The following CCR5AS variants were observed in gnomAD, a reference collection of about 807,000 sequenced individuals.
The protein encoded by CCR5AS is CCR5 antisense RNA.
intron 3 of CCR5AS, among the ~76,000 whole-genome samples, chr3:46,368,951 G>A (rs946072179): frequency 6.6e-6 from 1 of 152,174 alleles, no homozygotes; most frequent in South Asian, 2.1e-4. Context: ...CGGGGGTTCT[G>A]CACAAGTGGA....
At chr3:46,400,864 A>G (rs1702000325) in intron 1 of CCR5AS, among the ~76,000 whole-genome samples, 1 of 152,208 alleles carries the variant, frequency 6.6e-6, no homozygotes, top group Non-Finnish European at 1.5e-5. Context: ...TCTCCTTTAT[A>G]TCTAGAAGGG....
intron 1 of CCR5AS, among the ~76,000 whole-genome samples, chr3:46,396,041 T>C (rs1215769992): frequency 1.3e-5 from 2 of 152,080 alleles, no homozygotes; most frequent in East Asian, 3.9e-4. Context: ...GCCTTCACAG[T>C]CCCCAGCTTA....
chr3:46,387,462 C>G (rs1305333084), intron 2 of CCR5AS, among the ~76,000 whole-genome samples: 1 of 152,224 alleles, frequency 6.6e-6, no homozygotes, highest in Admixed American at 6.5e-5. Flanking sequence ...AAAGTCCCCA[C>G]TTTTCCCACA....
At chr3:46,405,757 G>A (rs1023220876) in intron 1 of CCR5AS, among the ~76,000 whole-genome samples, 2 of 152,106 alleles carry the variant, frequency 1.3e-5, no homozygotes, top group Non-Finnish European at 2.9e-5. Context: ...CTTGTCTGTC[G>A]GCACACGTGG....
chr3:46,402,658 T>C (rs1702013698), intron 1 of CCR5AS, among the ~76,000 whole-genome samples: 1 of 152,252 alleles, frequency 6.6e-6, no homozygotes, highest in South Asian at 2.1e-4. Context: ...GATTAAATTA[T>C]CATCAGTCTA....
At chr3:46,377,774 C>T (rs1294476304) in intron 2 of CCR5AS, among the ~76,000 whole-genome samples, 2 of 151,780 alleles carry the variant, frequency 1.3e-5, no homozygotes, top group South Asian at 2.1e-4. Context: ...GGTGCGATCT[C>T]GGCTCACTGC....
chr3:46,406,553 A>G (rs1325093153), intron 1 of CCR5AS, among the ~76,000 whole-genome samples: 1 of 151,810 alleles, frequency 6.6e-6, no homozygotes, highest in Non-Finnish European at 1.5e-5. Flanking sequence ...TTTGGGGTTA[A>G]ACTTGTCCTC....
intron 2 of CCR5AS, among the ~76,000 whole-genome samples, chr3:46,378,957 C>T (rs1056745622): frequency 2.0e-5 from 3 of 151,264 alleles, no homozygotes; most frequent in Admixed American, 6.6e-5. Context: ...TTGTGGGTAC[C>T]AAGTGTTTGA....
At position 46,389,728 on chromosome 3, in the gene CCR5AS, C is replaced by A. The variant is rs777025925; in HGVS notation, n.391+3097G>T. Among the ~76,000 whole-genome samples the A allele has an allele frequency of 2.0e-5, 3 of 152,118 alleles. No homozygotes were observed. The East Asian group carries it at 5.8e-4, about 29-fold the overall frequency. ...GGTCTATGGGATTAGTTAAATTACC[C>A]TTTGTGAGCTAGTAAAGTGGTTTGA... is the stretch of plus-strand genomic sequence containing the variant. On this transcript the variant is annotated intron_variant and non_coding_transcript_variant, in intron 2 of 3. Transcript: ENST00000451485.
intron 2 of CCR5AS, among the ~76,000 whole-genome samples, chr3:46,388,109 G>A (rs1701878628): frequency 6.6e-6 from 1 of 152,108 alleles, no homozygotes; most frequent in Admixed American, 6.5e-5. Flanking sequence ...GCTTAGCTCG[G>A]GCTCAGAGGC....
chr3:46,403,631 C>T (rs1295451950), intron 1 of CCR5AS, among the ~76,000 whole-genome samples: 1 of 152,202 alleles, frequency 6.6e-6, no homozygotes, highest in Non-Finnish European at 1.5e-5. Flanking sequence ...GGCTGCAACC[C>T]AATGGATGCC....
intron 1 of CCR5AS, among the ~76,000 whole-genome samples, chr3:46,405,553 G>A (rs949845640): frequency 2.0e-5 from 3 of 152,156 alleles, no homozygotes; most frequent in African/African-American, 7.2e-5. Context: ...AGCTGCAGGA[G>A]GTGGAGAGAC....
intron 1 of CCR5AS, among the ~76,000 whole-genome samples, chr3:46,398,503 A>G (rs1701979843): frequency 6.6e-6 from 1 of 152,182 alleles, no homozygotes; most frequent in Non-Finnish European, 1.5e-5. Flanking sequence ...AATTGTTTTT[A>G]TAAAAAATCA....
At chr3:46,364,822 G>C (rs567679641) in exon 4 of CCR5AS, 1 of 152,328 alleles carries the variant, frequency 6.6e-6, no homozygotes, top group African/African-American at 2.4e-5. Flanking sequence ...GAAAGACATT[G>C]ATTCCAACCC....
chr3:46,394,406 T>G (rs563932595), intron 1 of CCR5AS, among the ~76,000 whole-genome samples: 3 of 152,286 alleles, frequency 2.0e-5, no homozygotes, highest in Admixed American at 1.3e-4. Flanking sequence ...CATTCAGGAT[T>G]CTTAGCATGG....
intron 2 of CCR5AS, among the ~76,000 whole-genome samples, chr3:46,387,146 C>G (rs1701868939): frequency 6.6e-6 from 1 of 152,030 alleles, no homozygotes; most frequent in Non-Finnish European, 1.5e-5. Flanking sequence ...GAAAGATACC[C>G]CCTTCCTACT....
chr3:46,370,076 T>C (rs1701641454), intron 3 of CCR5AS, among the ~76,000 whole-genome samples: 1 of 151,918 alleles, frequency 6.6e-6, no homozygotes, highest in Admixed American at 6.6e-5. Flanking sequence ...TATGACTGTA[T>C]ATAGTATAGT....
At chr3:46,395,472 G>A (rs1463344903) in intron 1 of CCR5AS, among the ~76,000 whole-genome samples, 1 of 152,146 alleles carries the variant, frequency 6.6e-6, no homozygotes, top group Admixed American at 6.5e-5. Context: ...CCAAATCCGG[G>A]GGATTGGCTG....
intron 3 of CCR5AS, chr3:46,371,010 T>C (rs1490213605): frequency 1.3e-5 from 2 of 152,204 alleles, no homozygotes; most frequent in Non-Finnish European, 2.9e-5. Flanking sequence ...CTCAGCTGCT[T>C]GGCCTGTTAG....
Sources: gnomAD v4.1 joint callset for allele counts (sites outside exome capture counted in the v4.1 genomes callset) on GRCh38, gnomAD v4.1.1 for gene constraint, MANE v1.5 for transcripts, NCBI Gene and HGNC (gene_info 2026-07-23, HGNC 2026-07-21) for gene names.